Variants in APBA2 observed in about 807,000 individuals in gnomAD.
The protein encoded by APBA2 is amyloid beta precursor protein binding family A member 2.
In APBA2, 30 loss-of-function variants were observed where a neutral mutation model predicts 75.0. That is an observed-to-expected ratio of 0.40 (90% CI 0.30 to 0.54). The LOEUF is 0.54. Ranked by LOEUF, APBA2 falls within the 20% of genes least tolerant of loss-of-function variation. APBA2 has a pLI of 0.49. For synonymous variants in APBA2, 444 were observed against 409.6 expected (o/e 1.08, Z -1.01); for missense variants, 801 against 1,016.1 (o/e 0.79, Z 2.88).
At chr15:28,966,225 G>T (rs565927067) in intron 2 of APBA2, among the ~76,000 whole-genome samples, 6 of 152,102 alleles carry the variant, frequency 3.9e-5, no homozygotes, top group Non-Finnish European at 8.8e-5. Context: ...TTGTTGGATG[G>T]TGTTGCACAC....
intron 3 of APBA2, among the ~76,000 whole-genome samples, chr15:29,019,444 G>C (rs2039840958): frequency 6.6e-6 from 1 of 152,210 alleles, no homozygotes. Context: ...ATAAAGCAGA[G>C]TTCTCCCTTG....
chr15:28,942,900 C>T (rs190283450), intron 2 of APBA2, among the ~76,000 whole-genome samples: 327 of 152,292 alleles, frequency 2.1e-3, no homozygotes, highest in Admixed American at 4.0e-3. Flanking sequence ...CTGGAGCAGC[C>T]CCTGAGCGAC....
rs1323964285 is a variant in APBA2 at position 29,118,223 on chromosome 15, A to ATGAC, written c.*1093_*1096dup. 2 of 152,608 alleles carry ATGAC rather than the reference A, an allele frequency of 1.3e-5. No homozygotes were observed. The highest frequency in any genetic ancestry group is 4.8e-5 in the African/African-American group (2 of 41,454). The allele number at this position is 152,608 out of a possible 1,614,324, so 9.5% of individuals were successfully genotyped here. The stretch of plus-strand genomic sequence containing the variant: ...ACCACGCAGTAACTAAAGCTTTAGG[A>ATGAC]TGACTGTATTCGAGGAGTGCCGTGT... On this transcript the variant is annotated 3_prime_UTR_variant, in exon 15 of 15. Coordinates refer to ENST00000683413, the MANE Select transcript of APBA2 (RefSeq NM_001353788.2).
chr15:28,920,046 T>A lies in APBA2; in HGVS notation c.-204-1594T>A, dbSNP rs1384083048. 2.0e-5 allele frequency among the ~76,000 whole-genome samples: 3 copies of A among 152,180 alleles called. No individual in the cohort carries two copies. The East Asian group carries it at 5.8e-4, about 29-fold the overall frequency. On this transcript the variant is annotated intron_variant, in intron 1 of 14. Coordinates refer to ENST00000683413, the MANE Select transcript of APBA2 (RefSeq NM_001353788.2). ...CCTTCTTTAAGGCTGCTTTTGAGGG[T>A]TTACTGGCCAGCAGCATCATGTGCA...
intron 2 of APBA2, chr15:28,970,621 C>T (rs922376380): frequency 1.3e-5 from 2 of 151,360 alleles, no homozygotes; most frequent in African/African-American, 4.8e-5. Context: ...AAAGAATTTA[C>T]ATTTTGTCAC....
At chr15:29,100,590 C>A (rs1030808669) in intron 9 of APBA2, among the ~76,000 whole-genome samples, 3 of 152,192 alleles carry the variant, frequency 2.0e-5, no homozygotes, top group Non-Finnish European at 2.9e-5. Context: ...TGCCAGAGGC[C>A]GAGGGAATTG....
chr15:29,019,038 C>G lies in APBA2; in HGVS notation c.-41+23232C>G, dbSNP rs181571008. Among the ~76,000 whole-genome samples, 78 of 152,328 alleles carry G rather than the reference C, an allele frequency of 5.1e-4. 1 individual carries two copies. The highest frequency in any genetic ancestry group is 3.7e-3 in the Admixed American group (56 of 15,300). On this transcript the variant is annotated intron_variant, in intron 3 of 14. Transcript: ENST00000683413. ...CTCAGAGTTTATGGTATAACCTTCT[C>G]CCACGCTGTAGGGATCAGGTTTGCC...
chr15:28,940,932 C>T (rs1418044467), intron 2 of APBA2, among the ~76,000 whole-genome samples: 2 of 152,168 alleles, frequency 1.3e-5, no homozygotes, highest in South Asian at 2.1e-4. Flanking sequence ...TAAAAGGACT[C>T]GTGAGCTCAC....
intron 2 of APBA2, among the ~76,000 whole-genome samples, chr15:28,992,393 GCA>G (rs2152786231): frequency 6.6e-6 from 1 of 152,322 alleles, no homozygotes; most frequent in South Asian, 2.1e-4. Context: ...TGGAAGCATG[GCA>G]TTTCAAAGGC....
rs8040932 is a variant in APBA2 at position 29,054,816 on chromosome 15, T to A, written c.932T>A (p.Leu311Gln). The A allele has an allele frequency of 6.3e-7, 1 of 1,599,150 alleles. No homozygotes were observed. Among genetic ancestry groups the A allele is most frequent in the Admixed American group, 1.7e-5 (1 of 59,828 alleles). Reference protein sequence around the residue: ...KPKTRTPEERLKWPHEQVCNG... With the variant: ...KPKTRTPEERQKWPHEQVCNG... Reference sequence around the variant, plus strand: ...AAGACCAGGACCCCAGAAGAGAGGCTGAAGTGGCCCCACGAGCAGGTAGGA... The same window carrying A: ...AAGACCAGGACCCCAGAAGAGAGGCAGAAGTGGCCCCACGAGCAGGTAGGA... The change falls in exon 4 of 15, where the codon CTG (leucine) becomes CAG (glutamine). Residue 311 changes from leucine (L) to glutamine (Q), a missense_variant. Leu to Gln is a moderately radical substitution (Grantham distance 113). Transcript: ENST00000683413. The surrounding 1 kb of genome is among the most constrained non-coding windows in gnomAD (Gnocchi z 6.1).
intron 4 of APBA2, among the ~76,000 whole-genome samples, chr15:29,073,956 T>C (rs2152923639): frequency 6.6e-6 from 1 of 152,338 alleles, no homozygotes; most frequent in Admixed American, 6.5e-5. Flanking sequence ...TATGTTGTAG[T>C]AACAGATTGG....
At chr15:29,074,012 T>G (rs558059508) in intron 4 of APBA2, among the ~76,000 whole-genome samples, 1 of 152,254 alleles carries the variant, frequency 6.6e-6, no homozygotes, top group African/African-American at 2.4e-5. Context: ...TTTTTAAAAA[T>G]ATGGCTTTTA....
intron 1 of APBA2, among the ~76,000 whole-genome samples, chr15:28,916,774 T>G (rs1184040435): frequency 6.6e-5 from 10 of 152,354 alleles, no homozygotes; most frequent in African/African-American, 2.4e-4. Flanking sequence ...CGTTGACTCT[T>G]CCAGCACGTG....
At chr15:29,095,029 T>C (rs1339137563) in intron 8 of APBA2, among the ~76,000 whole-genome samples, 2 of 151,142 alleles carry the variant, frequency 1.3e-5, no homozygotes, top group Non-Finnish European at 2.9e-5. Context: ...TTTGCACCAC[T>C]GCACTCCAGC....
At chr15:29,106,948 C>G (rs1317297652) in intron 12 of APBA2, 129 bp downstream of exon 12, 1 of 827,562 alleles carries the variant, frequency 1.2e-6, no homozygotes, top group Non-Finnish European at 2.0e-6. Context: ...CCAGGGAGAC[C>G]CACCCGGTGA....
chr15:29,045,089 C>G (rs370068840), intron 3 of APBA2, among the ~76,000 whole-genome samples: 1 of 128,832 alleles, frequency 7.8e-6, no homozygotes, highest in Non-Finnish European at 1.5e-5. Context: ...CTCTCTCTCT[C>G]TCTCTCTCTC....
chr15:29,030,741 G>GTT (rs143662113), intron 3 of APBA2, among the ~76,000 whole-genome samples: 3,646 of 150,458 alleles, frequency 0.024, 151 homozygotes, highest in African/African-American at 0.086. Flanking sequence ...GTGTGTGTGT[G>GTT]TGTGTGTGTG....
chr15:29,032,505 G>A (rs1371550027), intron 3 of APBA2, among the ~76,000 whole-genome samples: 1 of 152,216 alleles, frequency 6.6e-6, no homozygotes, highest in Non-Finnish European at 1.5e-5. Flanking sequence ...AGTCATGTGA[G>A]CCAATTCCTT....
chr15:29,091,975 G>A (rs183345617), intron 6 of APBA2, among the ~76,000 whole-genome samples: 95 of 152,310 alleles, frequency 6.2e-4, no homozygotes, highest in African/African-American at 2.1e-3. Context: ...GTGGGCAGTC[G>A]GGAGGGATAA....
Sources: allele counts gnomAD v4.1 joint callset (sites outside exome capture counted in the v4.1 genomes callset), GRCh38; gene constraint gnomAD v4.1.1; non-coding constraint Gnocchi (gnomAD v3.1); transcripts MANE v1.5; gene names NCBI Gene and HGNC (gene_info 2026-07-23, HGNC 2026-07-21).